Variants in DNER observed in about 807,000 individuals in gnomAD.
DNER encodes delta and Notch-like epidermal growth factor-related receptor.
In DNER, 33 loss-of-function variants were observed where a neutral mutation model predicts 78.2. The observed-to-expected ratio is 0.42, with a 90% CI of 0.32 to 0.56. The LOEUF (loss-of-function observed/expected upper bound fraction) is 0.56, where lower values mean the gene tolerates loss of function less well. DNER is among the 20% of genes least tolerant of loss of function. The pLI, the probability that DNER is intolerant of heterozygous loss-of-function variation, is 0.11. For missense variants in DNER, 918 were observed against 975.3 expected (o/e 0.94, Z 0.78); for synonymous variants, 417 against 384.8 (o/e 1.08, Z -0.98).
At chr2:229,396,204 T>C (rs897117267) in intron 10 of DNER, among the ~76,000 whole-genome samples, 1 of 152,176 alleles carries the variant, frequency 6.6e-6, no homozygotes, top group Admixed American at 6.5e-5. Context: ...CCAAAATATA[T>C]AAAAGAGCTC....
intron 1 of DNER, among the ~76,000 whole-genome samples, chr2:229,696,297 C>T (rs1042114888): frequency 6.6e-6 from 1 of 152,214 alleles, no homozygotes; most frequent in Non-Finnish European, 1.5e-5. Flanking sequence ...GATAGTATTA[C>T]AACCCACGAT....
chr2:229,635,973 C>T (rs189196980), intron 1 of DNER, among the ~76,000 whole-genome samples: 97 of 150,926 alleles, frequency 6.4e-4, no homozygotes, highest in African/African-American at 2.1e-3. Context: ...TTTTAGTTGA[C>T]GTTTTACAGA....
chr2:229,564,670 C>T (rs1182917179), intron 4 of DNER, among the ~76,000 whole-genome samples: 1 of 151,332 alleles, frequency 6.6e-6, no homozygotes, highest in Non-Finnish European at 1.5e-5. Context: ...ACCCCGTCAC[C>T]ATCATCATCA....
intron 10 of DNER, among the ~76,000 whole-genome samples, chr2:229,404,946 C>T (rs1693349566): frequency 6.6e-6 from 1 of 151,492 alleles, no homozygotes; most frequent in Admixed American, 6.6e-5. Context: ...TAAAATATAA[C>T]ATATGGAAAA....
chr2:229,670,685 G>A (rs1008498674), intron 1 of DNER, among the ~76,000 whole-genome samples: 1 of 152,218 alleles, frequency 6.6e-6, no homozygotes, highest in Non-Finnish European at 1.5e-5. Context: ...GAATGGGATT[G>A]TATCCAACAC....
chr2:229,539,965 C>G (rs1696480365), intron 5 of DNER, among the ~76,000 whole-genome samples: 1 of 152,148 alleles, frequency 6.6e-6, no homozygotes, highest in Admixed American at 6.6e-5. Flanking sequence ...CAGTATGTAT[C>G]CTCCAGAGCC....
rs115654750 is a variant in DNER at position 229,587,927 on chromosome 2, C to T, written c.680+467G>A. 8.3e-3 allele frequency among the ~76,000 whole-genome samples: 1,263 copies of T among 151,884 alleles called. 17 individuals carry two copies. The highest frequency in any genetic ancestry group is 0.028 in the African/African-American group (1,176 of 41,414). On this transcript the variant is annotated intron_variant, in intron 3 of 12. Coordinates refer to ENST00000341772, the MANE Select transcript of DNER (RefSeq NM_139072.4). Reference sequence around the variant, plus strand: ...TTTTAAACAAAACACTCTCTTTGTACGCTTGCTTTTAAAGAGAAAACTGTA... The same window carrying T: ...TTTTAAACAAAACACTCTCTTTGTATGCTTGCTTTTAAAGAGAAAACTGTA...
intron 7 of DNER, among the ~76,000 whole-genome samples, chr2:229,453,745 G>A (rs1258126762): frequency 6.6e-6 from 1 of 152,070 alleles, no homozygotes; most frequent in Non-Finnish European, 1.5e-5. Context: ...ATCAGGGAAT[G>A]TAACTTACAT....
chr2:229,483,649 T>C (rs952910737), intron 6 of DNER, among the ~76,000 whole-genome samples: 5 of 152,180 alleles, frequency 3.3e-5, no homozygotes, highest in African/African-American at 1.2e-4. Flanking sequence ...TTTCAAATAG[T>C]CTTCTCTGTG....
chr2:229,629,347 C>G (rs1698396867), intron 1 of DNER, among the ~76,000 whole-genome samples: 1 of 152,196 alleles, frequency 6.6e-6, no homozygotes, highest in African/African-American at 2.4e-5. Flanking sequence ...AAGAACAAAA[C>G]TCTTACATAT....
In DNER at chr2:229,426,489, C is replaced by G. The variant is rs143899806; in HGVS notation, c.1487-8259G>C. ...AGATATGGGTCACAGAGAAAATAAT[C>G]CTATTATATTAACATGATTGTGAGC... On this transcript the variant is annotated intron_variant, in intron 8 of 12. Transcript: ENST00000341772. Among the ~76,000 whole-genome samples, 1,113 of 148,906 alleles carry G rather than the reference C, an allele frequency of 7.5e-3. 4 individuals are homozygous for G. The highest frequency in any genetic ancestry group is 0.011 in the Non-Finnish European group (766 of 67,308).
chr2:229,520,528 T>TA (rs1696073905), intron 5 of DNER, among the ~76,000 whole-genome samples: 1 of 152,232 alleles, frequency 6.6e-6, no homozygotes, highest in Admixed American at 6.5e-5. Flanking sequence ...AATGAGTTGA[T>TA]AATGGTTGAA....
chr2:229,576,614 A>G (rs899960262), intron 4 of DNER, among the ~76,000 whole-genome samples: 1 of 152,192 alleles, frequency 6.6e-6, no homozygotes, highest in Non-Finnish European at 1.5e-5. Context: ...CAGTTTAATT[A>G]AACATATAAA....
intron 1 of DNER, among the ~76,000 whole-genome samples, chr2:229,669,938 G>A (rs542706741): frequency 1.2e-4 from 19 of 152,280 alleles, no homozygotes; most frequent in African/African-American, 4.6e-4. Flanking sequence ...TTCCAGAGTG[G>A]TTATAATCAG....
At chr2:229,479,662 G>A (rs1245012728) in intron 6 of DNER, among the ~76,000 whole-genome samples, 7 of 149,774 alleles carry the variant, frequency 4.7e-5, no homozygotes, top group South Asian at 2.1e-4. Context: ...ACAGCGAGCC[G>A]AGATTGCGCC....
intron 11 of DNER, among the ~76,000 whole-genome samples, chr2:229,374,151 C>A (rs935462621): frequency 6.6e-6 from 1 of 151,692 alleles, no homozygotes; most frequent in African/African-American, 2.4e-5. Flanking sequence ...CTGGGTGAGA[C>A]CCTGTCTTAA....
chr2:229,518,526 T>C (rs1383420522), intron 5 of DNER, among the ~76,000 whole-genome samples: 1 of 152,244 alleles, frequency 6.6e-6, no homozygotes, highest in Non-Finnish European at 1.5e-5. Flanking sequence ...TAGGCTTTTA[T>C]CTCAATCAAA....
intron 4 of DNER, among the ~76,000 whole-genome samples, chr2:229,564,382 A>G (rs1474177317): frequency 8.3e-6 from 1 of 120,396 alleles, no homozygotes; most frequent in East Asian, 2.6e-4. Flanking sequence ...CATCATCATC[A>G]TCACCCCATC....
intron 1 of DNER, among the ~76,000 whole-genome samples, chr2:229,684,260 G>T (rs2154217212): frequency 6.6e-6 from 1 of 151,338 alleles, no homozygotes; most frequent in East Asian, 2.0e-4. Context: ...AATAGGAGGT[G>T]ATGGCTGAGC....
Sources: gnomAD v4.1 joint callset for allele counts (sites outside exome capture counted in the v4.1 genomes callset) on GRCh38, gnomAD v4.1.1 for gene constraint, MANE v1.5 for transcripts, NCBI Gene and HGNC (gene_info 2026-07-23, HGNC 2026-07-21) for gene names.